MAP7: variants seen among roughly 807,000 people sequenced by gnomAD.
MAP7 encodes the protein microtubule associated protein 7.
A neutral mutation model predicts 94.8 loss-of-function variants in MAP7; 52 were observed. The ratio of observed to expected loss-of-function variants is 0.55; its 90% confidence interval spans 0.44 to 0.69. The LOEUF (loss-of-function observed/expected upper bound fraction) is 0.69. MAP7 is among the 30% of genes least tolerant of loss of function. The probability of loss-of-function intolerance (pLI) is 0.00; values close to 1 mark genes in which losing one functional copy is unlikely to be tolerated. For missense variants in MAP7, 940 were observed against 964.6 expected (o/e 0.97, Z 0.34); for synonymous variants, 350 against 357.0 (o/e 0.98, Z 0.22).
rs1485751656 is a variant in MAP7, at chr6:136,362,487, C to T, written c.1489G>A (p.Glu497Lys). The T allele has an allele frequency of 4.3e-6, 7 of 1,614,082 alleles. No individual in the cohort carries two copies. Among genetic ancestry groups the T allele is most frequent in the Non-Finnish European group, 5.9e-6 (7 of 1,180,044 alleles). Residue 497 changes from glutamate (E) to lysine (K), a missense_variant, in exon 11 of 18, where the codon GAA becomes AAA. By Grantham distance (56) the Glu-to-Lys change is moderately conservative. Coordinates refer to ENST00000354570, the MANE Select transcript of MAP7 (RefSeq NM_003980.6). ...RRLAREQREK[E>K]ERERREQEEL... is the part of the protein sequence containing the mutation. Reference sequence around the variant, plus strand: ...TCCTGCTCCCTCCTCTCCCTTTCTTCCTTTTCTCTCTGCTCTCGGGCCAGC... The same window carrying T: ...TCCTGCTCCCTCCTCTCCCTTTCTTTCTTTTCTCTCTGCTCTCGGGCCAGC...
At chr6:136,524,543 T>C (rs897124799) in intron 1 of MAP7, among the ~76,000 whole-genome samples, 3 of 152,206 alleles carry the variant, frequency 2.0e-5, no homozygotes, top group Non-Finnish European at 2.9e-5. Context: ...CATAGCATCA[T>C]TTGATTTCTG....
At chr6:136,348,642 A>G (rs1189988758) in intron 16 of MAP7, among the ~76,000 whole-genome samples, 1 of 152,204 alleles carries the variant, frequency 6.6e-6, no homozygotes, top group African/African-American at 2.4e-5. Flanking sequence ...CACACAGCTT[A>G]TGGAAGCCAG....
chr6:136,380,494 G>T (rs17065469), intron 6 of MAP7, among the ~76,000 whole-genome samples: 3,054 of 152,266 alleles, frequency 0.02, 104 homozygotes, highest in African/African-American at 0.068. Context: ...TTTATTTCGA[G>T]GTCTACCTCT....
intron 16 of MAP7, among the ~76,000 whole-genome samples, chr6:136,351,254 C>T (rs1003144792): frequency 2.0e-5 from 3 of 146,900 alleles, no homozygotes; most frequent in Admixed American, 6.8e-5. Context: ...AAAAAAAAAA[C>T]GAAAAAACAA....
In MAP7 at chr6:136,456,870, A is replaced by AGAAGAAGAAGAAGAAGAG. The variant is rs1554259587; in HGVS notation, c.68-35072_68-35071insCTCTTCTTCTTCTTCTTC. ...AAGAGGAAGAAGAAGAAGAAGAAGAAGAAATACTTCAAATAAAAACAAAAC... is the reference window on the plus strand; with the variant it reads ...AAGAGGAAGAAGAAGAAGAAGAAGAAGAAGAAGAAGAAGAAGAGGAAATACTTCAAATAAAAACAAAAC... On this transcript the variant is annotated intron_variant, in intron 1 of 17. Coordinates refer to ENST00000354570, the MANE Select transcript of MAP7 (RefSeq NM_003980.6). Among the ~76,000 whole-genome samples the AGAAGAAGAAGAAGAAGAG allele has an allele frequency of 1.8e-3, 247 of 140,804 alleles. 8 individuals are homozygous for AGAAGAAGAAGAAGAAGAG. In the South Asian group the frequency reaches 0.019, roughly 11 times the overall value. The allele number at this position is 140,804 out of a possible 152,430, so 92.4% of individuals were successfully genotyped here.
At chr6:136,464,405 CCA>C (rs1237573365) in intron 1 of MAP7, among the ~76,000 whole-genome samples, 1 of 152,188 alleles carries the variant, frequency 6.6e-6, no homozygotes, top group Non-Finnish European at 1.5e-5. Flanking sequence ...GAGAGCGAGA[CCA>C]CATTCACGTA....
intron 1 of MAP7, among the ~76,000 whole-genome samples, chr6:136,503,658 AT>A (rs1011137357): frequency 6.6e-6 from 1 of 152,244 alleles, no homozygotes; most frequent in African/African-American, 2.4e-5. Flanking sequence ...ATTTAAAAAA[AT>A]CTACATTAAC....
intron 1 of MAP7, among the ~76,000 whole-genome samples, chr6:136,483,274 C>T (rs893636368): frequency 4.0e-5 from 6 of 151,848 alleles, no homozygotes; most frequent in South Asian, 2.1e-4. Flanking sequence ...AATGCAGGAA[C>T]GGAAAACCAA....
intron 1 of MAP7, among the ~76,000 whole-genome samples, chr6:136,482,816 A>G (rs1315904171): frequency 6.6e-6 from 1 of 152,176 alleles, no homozygotes; most frequent in African/African-American, 2.4e-5. Flanking sequence ...TTGGCAGGCA[A>G]CAAGCTGTGT....
intron 1 of MAP7, among the ~76,000 whole-genome samples, chr6:136,486,752 C>A (rs750600670): frequency 6.6e-6 from 1 of 152,080 alleles, no homozygotes; most frequent in Admixed American, 6.5e-5. Flanking sequence ...CATTTTGGTG[C>A]GGATCTGATT....
intron 1 of MAP7, among the ~76,000 whole-genome samples, chr6:136,455,457 G>T (rs1342854275): frequency 3.9e-5 from 6 of 151,986 alleles, no homozygotes; most frequent in African/African-American, 1.4e-4. Flanking sequence ...AGAAATAGGG[G>T]ACTTGAAAAA....
intron 5 of MAP7, among the ~76,000 whole-genome samples, chr6:136,384,551 A>G (rs972959968): frequency 6.6e-6 from 1 of 150,990 alleles, no homozygotes; most frequent in Admixed American, 6.6e-5. Flanking sequence ...TGGCATGATC[A>G]TAGCTCACTG....
rs755514745 is a variant in MAP7 at position 136,360,750 on chromosome 6, C to T, written c.1750G>A (p.Glu584Lys). 9 of 1,614,032 alleles carry T rather than the reference C, an allele frequency of 5.6e-6. No homozygotes were observed. The highest frequency in any genetic ancestry group is 1.3e-5 in the African/African-American group (1 of 74,930). Residue 584 changes from glutamate to lysine, a missense_variant, in exon 13 of 18, where the codon GAA (glutamate) becomes AAA (lysine). Physicochemically the swap from Glu to Lys is moderately conservative, Grantham distance 56. Coordinates refer to ENST00000354570, the MANE Select transcript of MAP7 (RefSeq NM_003980.6). ...VREEAERVRQ[E>K]REKHFQREEQ... ...TCTCTCTGGAAATGCTTCTCTCGTT[C>T]CTGCCGGACCCTCTCTGCTTCTTCA...
At position 136,500,027 on chromosome 6, in the gene MAP7, T is replaced by C. The variant is rs1017754399; in HGVS notation, c.67+50315A>G. Among the ~76,000 whole-genome samples the C allele has an allele frequency of 2.0e-5, 3 of 151,270 alleles. No individual in the cohort carries two copies. The South Asian group carries it at 6.2e-4, about 31-fold the overall frequency. On this transcript the variant is annotated intron_variant, in intron 1 of 17. Coordinates refer to ENST00000354570, the MANE Select transcript of MAP7 (RefSeq NM_003980.6). ...AAACAAACAAACAAAAACAGTTGAG[T>C]GGACTTTTGAGTCAGACAGACCTGT...
intron 1 of MAP7, among the ~76,000 whole-genome samples, chr6:136,427,038 T>C (rs903713728): frequency 6.6e-6 from 1 of 152,254 alleles, no homozygotes; most frequent in Non-Finnish European, 1.5e-5. Flanking sequence ...GTTCTTCCAC[T>C]TACCCGTATC....
At chr6:136,406,594 G>C (rs1158887954) in intron 3 of MAP7, among the ~76,000 whole-genome samples, 1 of 152,172 alleles carries the variant, frequency 6.6e-6, no homozygotes, top group African/African-American at 2.4e-5. Context: ...GTCAAGGCGG[G>C]CAAATCCCTT....
chr6:136,520,455 T>G (rs1353375284), intron 1 of MAP7, among the ~76,000 whole-genome samples: 1 of 152,226 alleles, frequency 6.6e-6, no homozygotes, highest in Non-Finnish European at 1.5e-5. Context: ...AGTTTACCTT[T>G]GTTTCATAAT....
chr6:136,513,089 C>T (rs1823749896), intron 1 of MAP7, among the ~76,000 whole-genome samples: 1 of 152,178 alleles, frequency 6.6e-6, no homozygotes. Context: ...AAATGATCCT[C>T]CTGCCTCTGC....
chr6:136,546,105 T>G (rs571708969), intron 1 of MAP7, among the ~76,000 whole-genome samples: 1 of 152,224 alleles, frequency 6.6e-6, no homozygotes, highest in Admixed American at 6.5e-5. Context: ...CTCAACCTCC[T>G]GGGTTCAAGT....
Sources: gnomAD v4.1 joint callset for allele counts (sites outside exome capture counted in the v4.1 genomes callset) on GRCh38, gnomAD v4.1.1 for gene constraint, MANE v1.5 for transcripts, NCBI Gene and HGNC (gene_info 2026-07-23, HGNC 2026-07-21) for gene names.